CHP1: variants seen among roughly 807,000 people sequenced by gnomAD.
The protein encoded by CHP1 is calcineurin B homologous protein 1.
CHP1 carries 11 observed loss-of-function variants against 27.4 expected under a neutral mutation model. The ratio of observed to expected loss-of-function variants is 0.40; its 90% CI spans 0.25 to 0.67. The LOEUF (loss-of-function observed/expected upper bound fraction) is 0.67. CHP1 is among the 30% of genes least tolerant of loss of function. The pLI, the probability that CHP1 is intolerant of heterozygous loss-of-function variation, is 0.38. For missense variants in CHP1, 169 were observed against 251.3 expected (o/e 0.67, Z 2.22); for synonymous variants, 89 against 87.4 (o/e 1.02, Z -0.10).
intron 2 of CHP1, among the ~76,000 whole-genome samples, chr15:41,254,336 T>C (rs756959309): frequency 1.3e-5 from 2 of 152,338 alleles, no homozygotes; most frequent in Non-Finnish European, 2.9e-5. Flanking sequence ...CTTAAGCTTG[T>C]TAGACATTAA....
chr15:41,270,446 A>C, intron 4 of CHP1, 111 bp from the exon 5 acceptor site: 24 of 755,852 alleles, frequency 3.2e-5, no homozygotes, highest in Non-Finnish European at 4.5e-5. Flanking sequence ...TGTTCTTGGA[A>C]AATCGATTAA....
intron 3 of CHP1, among the ~76,000 whole-genome samples, chr15:41,261,639 A>G (rs2047433398): frequency 6.6e-6 from 1 of 150,840 alleles, no homozygotes; most frequent in Non-Finnish European, 1.5e-5. Flanking sequence ...TGGGCAGATC[A>G]TGAGGTCAGG....
At chr15:41,250,551 G>C (rs950456822) in intron 2 of CHP1, among the ~76,000 whole-genome samples, 3 of 150,800 alleles carry the variant, frequency 2.0e-5, no homozygotes, top group African/African-American at 7.3e-5. Context: ...TGGGCAGTAA[G>C]AGTGAAATTC....
At chr15:41,240,466 A>T (rs992545228) in intron 1 of CHP1, among the ~76,000 whole-genome samples, 1 of 152,320 alleles carries the variant, frequency 6.6e-6, no homozygotes, top group African/African-American at 2.4e-5. Flanking sequence ...TAGATGATAT[A>T]TGAAGAGCTG....
intron 4 of CHP1, among the ~76,000 whole-genome samples, chr15:41,266,053 G>A (rs2047458425): frequency 6.6e-6 from 1 of 152,140 alleles, no homozygotes; most frequent in Non-Finnish European, 1.5e-5. Flanking sequence ...GGAGGCCGAG[G>A]TGGGTGGATC....
In CHP1 at chr15:41,277,184, G is replaced by A. The variant is rs2047523209; in HGVS notation, c.412-1583G>A. ...TGCAATGTTAGGCAATTTTGTAGTT[G>A]TAGGAACATCATAGAATGTACCTAC... On this transcript the variant is annotated intron_variant, in intron 5 of 6. Coordinates refer to ENST00000334660, the MANE Select transcript of CHP1 (RefSeq NM_007236.5). Among the ~76,000 whole-genome samples the A allele has an allele frequency of 1.3e-5, 2 of 152,192 alleles. 1 individual carries two copies. The highest frequency in any genetic ancestry group is 4.8e-5 in the African/African-American group (2 of 41,446).
chr15:41,265,660 G>A (rs1001796577), intron 4 of CHP1, among the ~76,000 whole-genome samples: 14 of 150,270 alleles, frequency 9.3e-5, no homozygotes, highest in African/African-American at 2.9e-4. Flanking sequence ...GCAGTTAGCC[G>A]AGATTGCACC....
intron 1 of CHP1, among the ~76,000 whole-genome samples, chr15:41,232,237 G>T (rs1486419415): frequency 7.0e-6 from 1 of 142,926 alleles, no homozygotes; most frequent in Non-Finnish European, 1.5e-5. Context: ...TTGAAACGGA[G>T]TCTCCCTCTG....
At chr15:41,259,017 C>G (rs2047417546) in intron 3 of CHP1, among the ~76,000 whole-genome samples, 1 of 152,194 alleles carries the variant, frequency 6.6e-6, no homozygotes, top group Admixed American at 6.5e-5. Flanking sequence ...ATCACGTTGA[C>G]TATGAGGAAT....
intron 2 of CHP1, among the ~76,000 whole-genome samples, chr15:41,251,693 T>G (rs992830424): frequency 6.6e-6 from 1 of 152,168 alleles, no homozygotes; most frequent in African/African-American, 2.4e-5. Context: ...CCTGCTGATC[T>G]GAGGTTGAAC....
intron 4 of CHP1, among the ~76,000 whole-genome samples, chr15:41,266,027 T>C (rs1178872402): frequency 1.3e-5 from 2 of 152,140 alleles, no homozygotes; most frequent in African/African-American, 4.8e-5. Context: ...CTCATGCCTG[T>C]AATCCCAGCA....
At position 41,281,314 on chromosome 15, in the gene CHP1, A is replaced by C. The variant is rs1281192074; in HGVS notation, c.*1925A>C. The C allele has an allele frequency of 2.0e-5, 3 of 152,576 alleles. No homozygotes were observed. Among genetic ancestry groups the C allele is most frequent in the Admixed American group, 1.3e-4 (2 of 15,260 alleles). 9.5% of individuals were successfully genotyped at this position (152,576 alleles called of 1,614,324 possible). ...GTTTAGACCACTGCTAATCCCTTAA[A>C]AACAAGAGGTCTGGCACTAGTAGCA... On this transcript the variant is annotated 3_prime_UTR_variant, in exon 7 of 7. Transcript: ENST00000334660.
intron 2 of CHP1, among the ~76,000 whole-genome samples, chr15:41,247,363 T>A (rs1038081804): frequency 4.8e-5 from 7 of 146,188 alleles, no homozygotes; most frequent in African/African-American, 1.8e-4. Flanking sequence ...AGTGAGATCC[T>A]GCCTTTAAAA....
chr15:41,254,614 T>G (rs2047388949), intron 2 of CHP1, among the ~76,000 whole-genome samples: 1 of 152,152 alleles, frequency 6.6e-6, no homozygotes. Context: ...GATATAAAAT[T>G]ATTACACTAA....
At chr15:41,241,441 C>T (rs1474771625) in intron 1 of CHP1, among the ~76,000 whole-genome samples, 2 of 152,160 alleles carry the variant, frequency 1.3e-5, no homozygotes, top group African/African-American at 2.4e-5. Context: ...CTGGTGAGTT[C>T]GCTCTACAAT....
intron 4 of CHP1, among the ~76,000 whole-genome samples, chr15:41,268,506 G>A (rs1166742620): frequency 2.0e-5 from 3 of 151,872 alleles, no homozygotes; most frequent in East Asian, 1.9e-4. Flanking sequence ...TTAGCTGGGC[G>A]TGGTGGCACA....
intron 4 of CHP1, among the ~76,000 whole-genome samples, chr15:41,269,573 T>C (rs923492422): frequency 1.3e-5 from 2 of 152,152 alleles, no homozygotes; most frequent in African/African-American, 4.8e-5. Flanking sequence ...TGCCATACAC[T>C]TTGTTCCCCC....
At chr15:41,233,674 TTATGATTAG>T (rs1203114553) in intron 1 of CHP1, among the ~76,000 whole-genome samples, 1 of 151,888 alleles carries the variant, frequency 6.6e-6, no homozygotes, top group African/African-American at 2.4e-5. Flanking sequence ...CCCAAGAGAG[TTATGATTAG>T]CATCATGACA....
chr15:41,259,761 T>C (rs546058676), intron 3 of CHP1, among the ~76,000 whole-genome samples: 6 of 152,366 alleles, frequency 3.9e-5, no homozygotes, highest in African/African-American at 1.4e-4. Flanking sequence ...GTTTTGTTTT[T>C]TGTTTTTTTG....
Sources: allele counts gnomAD v4.1 joint callset (sites outside exome capture counted in the v4.1 genomes callset), GRCh38; gene constraint gnomAD v4.1.1; transcripts MANE v1.5; gene names NCBI Gene and HGNC (gene_info 2026-07-23, HGNC 2026-07-21).